Variants in CBX1 observed in about 807,000 individuals in gnomAD.
CBX1 encodes the protein chromobox protein homolog 1.
A neutral mutation model predicts 25.1 loss-of-function variants in CBX1; 10 were observed. That is an observed-to-expected ratio of 0.40 (90% CI 0.25 to 0.68). The LOEUF (loss-of-function observed/expected upper bound fraction) is 0.68. Ranked by LOEUF, CBX1 falls within the 30% of genes least tolerant of loss-of-function variation. CBX1 has a pLI of 0.40. For synonymous variants in CBX1, 63 were observed against 79.4 expected (o/e 0.79, Z 1.10); for missense variants, 106 against 218.5 (o/e 0.49, Z 3.25).
Position 48,098,498 on chromosome 17 carries a change from T to C in CBX1, c.-38+2770A>G, listed in dbSNP as rs560614290. Among the ~76,000 whole-genome samples, 18 of 152,280 alleles carry C rather than the reference T, an allele frequency of 1.2e-4. No homozygotes were observed. In the East Asian group the frequency reaches 3.1e-3, roughly 26 times the overall value. On this transcript the variant is annotated intron_variant, in intron 1 of 4. Transcript: ENST00000225603. ...TGAACAAGAGGTGCGTCCCCATTTT[T>C]TCATTTTTCTTTTTTTGAGACAGAG... is the stretch of plus-strand genomic sequence containing the variant.
chr17:48,075,567 T>G (rs1271557622), intron 3 of CBX1, among the ~76,000 whole-genome samples: 1 of 152,118 alleles, frequency 6.6e-6, no homozygotes, highest in Non-Finnish European at 1.5e-5. Flanking sequence ...TCCTTTGGAG[T>G]GATTATTCAT....
chr17:48,081,371 A>G (rs1598307469), intron 1 of CBX1, among the ~76,000 whole-genome samples: 1 of 152,274 alleles, frequency 6.6e-6, no homozygotes, highest in East Asian at 1.9e-4. Flanking sequence ...GAATGGCATA[A>G]TTGTTAGGTA....
At chr17:48,090,452 G>C (rs546629396) in intron 1 of CBX1, among the ~76,000 whole-genome samples, 1 of 151,912 alleles carries the variant, frequency 6.6e-6, no homozygotes, top group Admixed American at 6.6e-5. Context: ...TCCATATCCA[G>C]TCTCTCACTA....
intron 1 of CBX1, among the ~76,000 whole-genome samples, chr17:48,078,344 C>T (rs547833894): frequency 9.2e-5 from 14 of 152,154 alleles, no homozygotes; most frequent in African/African-American, 3.4e-4. Context: ...CGGCGCCCGC[C>T]ACCACGCCCA....
At chr17:48,092,158 T>G (rs962201125) in intron 1 of CBX1, among the ~76,000 whole-genome samples, 1 of 150,884 alleles carries the variant, frequency 6.6e-6, no homozygotes, top group African/African-American at 2.4e-5. Context: ...GCCCAGCTAC[T>G]TTTGTATTTT....
chr17:48,071,631 C>T, intron 4 of CBX1, 52 bp from the exon 5 acceptor site: 2 of 1,507,106 alleles, frequency 1.3e-6, no homozygotes, highest in African/African-American at 2.8e-5. Context: ...GTGGTCTATC[C>T]TAAGTTGGAT....
chr17:48,100,833 G>C (rs923011088), intron 1 of CBX1: 21 of 985,744 alleles, frequency 2.1e-5, no homozygotes, highest in Non-Finnish European at 2.5e-5. Context: ...TCCTCTGGCA[G>C]TCCCAGCCGG....
At chr17:48,092,326 A>T (rs2063348946) in intron 1 of CBX1, among the ~76,000 whole-genome samples, 1 of 151,852 alleles carries the variant, frequency 6.6e-6, no homozygotes, top group Admixed American at 6.6e-5. Context: ...ATTAAAAAAA[A>T]AATAAAATTA....
chr17:48,086,166 T>C lies in CBX1; in HGVS notation c.-37-9125A>G, dbSNP rs549254191. Among the ~76,000 whole-genome samples the C allele has an allele frequency of 2.6e-5, 4 of 152,296 alleles. No individual in the cohort carries two copies. The East Asian group carries it at 7.7e-4, about 29-fold the overall frequency. On this transcript the variant is annotated intron_variant, in intron 1 of 4. Coordinates refer to ENST00000225603, the MANE Select transcript of CBX1 (RefSeq NM_001127228.2). ...GTAAATCTGAATCAAGAGTAATTAA[T>C]TCATAGCTCAATTTTAAGAGAAAGA...
At position 48,076,978 on chromosome 17, in the gene CBX1, T is replaced by A. The variant is rs2037680556; in HGVS notation, c.27A>T (p.Lys9Asn). The A allele has an allele frequency of 1.2e-6, 2 of 1,613,344 alleles. No individual in the cohort carries two copies. Among genetic ancestry groups the A allele is most frequent in the Non-Finnish European group, 1.7e-6 (2 of 1,179,746 alleles). MGKKQNKKKVEEVLEEEEE... is the reference protein window; with the variant it reads MGKKQNKKNVEEVLEEEEE... ...CCTCCTCTTCTAGCACCTCCTCCAC[T>A]TTCTTCTTGTTTTGTTTTTTCCCCA... Residue 9 changes from lysine (K) to asparagine (N), a missense_variant, in exon 2 of 5, where the codon AAA becomes AAT. This residue lies in a region of CBX1 where 19 missense variants were observed against 17.3 expected (regional missense o/e 1.10). Coordinates refer to ENST00000225603, the MANE Select transcript of CBX1 (RefSeq NM_001127228.2).
chr17:48,097,967 A>T (rs987695477), intron 1 of CBX1, among the ~76,000 whole-genome samples: 3 of 152,164 alleles, frequency 2.0e-5, no homozygotes, highest in Non-Finnish European at 4.4e-5. Flanking sequence ...TTGCTGACAA[A>T]ACCCAGAATC....
intron 1 of CBX1, among the ~76,000 whole-genome samples, chr17:48,080,123 G>A (rs914660196): frequency 2.6e-5 from 4 of 151,924 alleles, no homozygotes; most frequent in African/African-American, 9.7e-5. Context: ...GCTCACCTAC[G>A]CCTCTAGGGT....
chr17:48,094,261 C>T (rs2063360425), intron 1 of CBX1, among the ~76,000 whole-genome samples: 1 of 151,882 alleles, frequency 6.6e-6, no homozygotes, highest in South Asian at 2.1e-4. Context: ...TGGTGAAACC[C>T]CAACTCTAGT....
intron 1 of CBX1, among the ~76,000 whole-genome samples, chr17:48,093,085 A>AG (rs1456057222): frequency 5.3e-5 from 5 of 93,866 alleles, no homozygotes; most frequent in African/African-American, 1.8e-4. Flanking sequence ...AAAAAAAAAA[A>AG]AAAAGAAAAG....
chr17:48,082,338 T>G (rs2037746652), intron 1 of CBX1, among the ~76,000 whole-genome samples: 2 of 151,388 alleles, frequency 1.3e-5, no homozygotes, highest in African/African-American at 4.8e-5. Context: ...CCATCTCTAC[T>G]AAAAATACAA....
intron 1 of CBX1, among the ~76,000 whole-genome samples, chr17:48,087,701 G>C (rs765856464): frequency 2.6e-5 from 4 of 151,634 alleles, no homozygotes; most frequent in Non-Finnish European, 5.9e-5. Flanking sequence ...GCAAAACCCT[G>C]TCTCTAGTAA....
At chr17:48,072,277 T>C (rs558764597) in intron 4 of CBX1, among the ~76,000 whole-genome samples, 82 of 152,162 alleles carry the variant, frequency 5.4e-4, no homozygotes, top group African/African-American at 1.7e-3. Context: ...TCCCAAAGTG[T>C]TGGGATTACA....
intron 1 of CBX1, among the ~76,000 whole-genome samples, chr17:48,098,686 G>A (rs7219844): frequency 0.16 from 24,499 of 152,070 alleles, 2,688 homozygotes; most frequent in African/African-American, 0.3. Flanking sequence ...TAGTAGAGAT[G>A]GGGCCAGTAT....
At chr17:48,090,126 G>C (rs925646205) in intron 1 of CBX1, among the ~76,000 whole-genome samples, 1 of 151,748 alleles carries the variant, frequency 6.6e-6, no homozygotes, top group Non-Finnish European at 1.5e-5. Flanking sequence ...GGGTGGTCTC[G>C]ATCTCGACCT....
Sources: gnomAD v4.1 joint callset for allele counts (sites outside exome capture counted in the v4.1 genomes callset) on GRCh38, gnomAD v4.1.1 for gene constraint, gnomAD v4.1.1 regional missense constraint, MANE v1.5 for transcripts, NCBI Gene and HGNC (gene_info 2026-07-23, HGNC 2026-07-21) for gene names.